PRKAA1: variants seen among roughly 807,000 people sequenced by gnomAD.
PRKAA1 encodes the protein 5'-AMP-activated protein kinase catalytic subunit alpha-1.
Under a neutral mutation model 56.9 loss-of-function variants are expected in PRKAA1, and 23 were observed. The observed-to-expected ratio is 0.40, with a 90% CI of 0.29 to 0.57. PRKAA1 has a LOEUF of 0.57. PRKAA1 is among the 20% of genes least tolerant of loss of function. PRKAA1 has a pLI of 0.39. For missense variants in PRKAA1, 413 were observed against 679.7 expected (o/e 0.61, Z 4.36); for synonymous variants, 226 against 227.0 (o/e 1.00, Z 0.04).
intron 1 of PRKAA1, among the ~76,000 whole-genome samples, chr5:40,795,729 C>A (rs1246921179): frequency 6.6e-6 from 1 of 152,210 alleles, no homozygotes; most frequent in African/African-American, 2.4e-5. Context: ...AAAAAATGAA[C>A]AGGTTAAAGA....
At chr5:40,767,335 G>A in intron 6 of PRKAA1, 131 bp downstream of exon 6, 2 of 709,830 alleles carry the variant, frequency 2.8e-6, no homozygotes, top group East Asian at 2.7e-5. Context: ...AAATAAATGT[G>A]TCTATACACT....
chr5:40,793,404 A>G (rs1744796491), intron 1 of PRKAA1, among the ~76,000 whole-genome samples: 1 of 152,180 alleles, frequency 6.6e-6, no homozygotes, highest in African/African-American at 2.4e-5. Context: ...CTAAGTAACC[A>G]AACAAATTTT....
Position 40,764,575 on chromosome 5 carries a change from C to T in PRKAA1, c.1374G>A (p.Met458Ile). ...KNPVTSTYSK[M>I]SLQLYQVDSR... The stretch of plus-strand genomic sequence containing the variant: ...TATCCACTTGGTATAACTGTAGACT[C>T]ATTTTGGAGTAAGTGCTTGTCACAG... Residue 458 changes from methionine to isoleucine, a missense_variant, in exon 8 of 9, where the codon ATG (methionine) becomes ATA (isoleucine). Met to Ile is a conservative substitution (Grantham distance 10). Around this residue, in one of 9 missense-constraint regions of PRKAA1, gnomAD observed 139 missense variants for 171.5 expected, o/e 0.81. Coordinates refer to ENST00000397128, the MANE Select transcript of PRKAA1 (RefSeq NM_006251.6). 2 of 1,613,436 alleles carry T rather than the reference C, an allele frequency of 1.2e-6. No individual in the cohort carries two copies. The highest frequency in any genetic ancestry group is 1.7e-6 in the Non-Finnish European group (2 of 1,179,582).
intron 1 of PRKAA1, among the ~76,000 whole-genome samples, chr5:40,784,027 A>G (rs1411888449): frequency 6.6e-6 from 1 of 152,182 alleles, no homozygotes; most frequent in East Asian, 1.9e-4. Context: ...CACATACTCC[A>G]TAAGGGTGAC....
At chr5:40,787,720 C>A in intron 1 of PRKAA1, among the ~76,000 whole-genome samples, 2 of 151,426 alleles carry the variant, frequency 1.3e-5, no homozygotes, top group African/African-American at 2.4e-5. Flanking sequence ...AGAAAAAATC[C>A]AAAGTGGACC....
chr5:40,786,786 C>CAAAAAAAAAAAAAAA (rs34749478), intron 1 of PRKAA1, among the ~76,000 whole-genome samples: 1 of 43,502 alleles, frequency 2.3e-5, no homozygotes, highest in African/African-American at 9.1e-5. Flanking sequence ...ACTAAAAATA[C>CAAAAAAAAAAAAAAA]AAAAAAAAAA....
intron 1 of PRKAA1, among the ~76,000 whole-genome samples, chr5:40,782,584 T>C (rs1018772949): frequency 2.6e-5 from 4 of 152,156 alleles, no homozygotes; most frequent in Non-Finnish European, 5.9e-5. Flanking sequence ...TATTAACTAT[T>C]TTCAGAGTGA....
intron 1 of PRKAA1, 117 bp from the exon 2 acceptor site, chr5:40,777,703 G>C: frequency 1.0e-6 from 1 of 956,916 alleles, no homozygotes; most frequent in South Asian, 1.9e-5. Flanking sequence ...GGAGGCCGAG[G>C]CGAGTAGATC....
intron 1 of PRKAA1, among the ~76,000 whole-genome samples, chr5:40,786,722 C>T (rs1744501341): frequency 7.5e-6 from 1 of 133,470 alleles, no homozygotes; most frequent in African/African-American, 2.8e-5. Flanking sequence ...AGGCAGAGCA[C>T]TTGAGGTTAG....
At chr5:40,796,818 C>T (rs1744946643) in intron 1 of PRKAA1, among the ~76,000 whole-genome samples, 1 of 152,202 alleles carries the variant, frequency 6.6e-6, no homozygotes, top group Non-Finnish European at 1.5e-5. Flanking sequence ...AGTTACCGTA[C>T]AGACTTTGGC....
At chr5:40,763,187 C>T (rs1387341407) in intron 8 of PRKAA1, among the ~76,000 whole-genome samples, 165 bp from the exon 9 acceptor site, 1 of 152,154 alleles carries the variant, frequency 6.6e-6, no homozygotes, top group Non-Finnish European at 1.5e-5. Context: ...TTAAACTATT[C>T]ATCTTTTTTA....
intron 1 of PRKAA1, among the ~76,000 whole-genome samples, chr5:40,786,786 CAAAAAAAAA>C (rs34749478): frequency 2.3e-5 from 1 of 43,502 alleles, no homozygotes; most frequent in African/African-American, 9.1e-5. Flanking sequence ...ACTAAAAATA[CAAAAAAAAA>C]AAAAAAAAAA....
At chr5:40,772,204 A>T (rs996339403) in intron 3 of PRKAA1, among the ~76,000 whole-genome samples, 1 of 152,138 alleles carries the variant, frequency 6.6e-6, no homozygotes, top group Admixed American at 6.5e-5. Context: ...GCAAATGTTT[A>T]CTCTTTCATT....
Position 40,760,162 on chromosome 5 carries a change from G to T in PRKAA1, c.*2616C>A, listed in dbSNP as rs1743116276. 6.6e-6 allele frequency: 1 copy of T among 152,590 alleles called. No homozygotes were observed. Among genetic ancestry groups the T allele is most frequent in the African/African-American group, 2.4e-5 (1 of 41,408 alleles). 9.5% of individuals were successfully genotyped at this position (152,590 alleles called of 1,614,324 possible). On this transcript the variant is annotated 3_prime_UTR_variant, in exon 9 of 9. Transcript: ENST00000397128. Reference sequence around the variant, plus strand: ...ACCTCTTCAATATTAGTAACAATTTGCAAACAACAAAAAAATTGTGAAAAT... The same window carrying T: ...ACCTCTTCAATATTAGTAACAATTTTCAAACAACAAAAAAATTGTGAAAAT...
chr5:40,768,045 A>G (rs911515894), intron 5 of PRKAA1, among the ~76,000 whole-genome samples: 7 of 152,198 alleles, frequency 4.6e-5, no homozygotes, highest in Admixed American at 2.6e-4. Context: ...AATGTTCTTT[A>G]GTAATGGACT....
At chr5:40,767,883 C>T (rs1387189414) in intron 5 of PRKAA1, among the ~76,000 whole-genome samples, 193 bp from the exon 6 acceptor site, 3 of 152,092 alleles carry the variant, frequency 2.0e-5, no homozygotes, top group Admixed American at 2.0e-4. Flanking sequence ...TTGTAAATTA[C>T]ACACCATGGC....
chr5:40,798,198 G>T lies in PRKAA1; in HGVS notation c.-9C>A. The T allele has an allele frequency of 1.4e-6, 2 of 1,480,566 alleles. No homozygotes were observed. Among genetic ancestry groups the T allele is most frequent in the East Asian group, 2.8e-5 (1 of 36,072 alleles). The allele number at this position is 1,480,566 out of a possible 1,614,324, so 91.7% of individuals were successfully genotyped here. ...GAACTGAGTCTGCGCATGGCGCTGC[G>T]GGAGGGGGCGGAGGGGGCGGGCAGG... is the stretch of plus-strand genomic sequence containing the variant. On this transcript the variant is annotated 5_prime_UTR_variant, in exon 1 of 9. Transcript: ENST00000397128.
intron 3 of PRKAA1, among the ~76,000 whole-genome samples, chr5:40,772,696 C>G (rs552487460): frequency 6.6e-6 from 1 of 152,076 alleles, no homozygotes; most frequent in Non-Finnish European, 1.5e-5. Flanking sequence ...TGCAGTGATG[C>G]CATCACGGCT....
intron 1 of PRKAA1, among the ~76,000 whole-genome samples, chr5:40,795,555 T>A (rs962712420): frequency 7.2e-5 from 11 of 152,088 alleles, no homozygotes; most frequent in Admixed American, 5.2e-4. Context: ...CACATGGCAT[T>A]CCTAGCCAGA....
Sources: allele counts gnomAD v4.1 joint callset (sites outside exome capture counted in the v4.1 genomes callset), GRCh38; gene constraint gnomAD v4.1.1; regional missense constraint gnomAD v4.1.1; transcripts MANE v1.5; gene names NCBI Gene and HGNC (gene_info 2026-07-23, HGNC 2026-07-21).